The following GALNT17 variants were observed in gnomAD, a reference collection of about 807,000 sequenced individuals.
The protein encoded by GALNT17 is polypeptide N-acetylgalactosaminyltransferase 17.
Under a neutral mutation model 63.7 loss-of-function variants are expected in GALNT17, and 29 were observed. The observed-to-expected ratio is 0.46, with a 90% CI of 0.34 to 0.62. GALNT17 has a LOEUF of 0.62. Among genes scored for constraint, GALNT17 ranks in the 20% least tolerant of loss-of-function variants. The pLI is 0.01. For missense variants in GALNT17, 603 were observed against 799.6 expected, an observed-to-expected ratio of 0.75 and a Z score of 2.97; for synonymous variants, 305 against 318.3, an observed-to-expected ratio of 0.96 and a Z score of 0.45.
At chr7:71,303,241 T>A (rs1323666653) in intron 1 of GALNT17, among the ~76,000 whole-genome samples, 1 of 152,002 alleles carries the variant, frequency 6.6e-6, no homozygotes, top group East Asian at 1.9e-4. Context: ...ACTGTAGCCT[T>A]GACCTGGGCT....
intron 5 of GALNT17, among the ~76,000 whole-genome samples, chr7:71,468,372 A>T (rs2116605500): frequency 6.6e-6 from 1 of 151,156 alleles, no homozygotes; most frequent in East Asian, 2.0e-4. Context: ...ATTGCCCAAA[A>T]TCCCACTGGC....
At chr7:71,394,535 G>A (rs925274580) in intron 3 of GALNT17, among the ~76,000 whole-genome samples, 3 of 152,156 alleles carry the variant, frequency 2.0e-5, no homozygotes, top group Non-Finnish European at 4.4e-5. Context: ...TTGTCCAATA[G>A]GATCTACCAC....
chr7:71,531,585 A>C (rs906237598), intron 5 of GALNT17, among the ~76,000 whole-genome samples: 3 of 152,152 alleles, frequency 2.0e-5, no homozygotes, highest in African/African-American at 7.2e-5. Context: ...AAACTCATTT[A>C]AATCTCACAA....
intron 5 of GALNT17, among the ~76,000 whole-genome samples, chr7:71,491,897 C>G (rs927430011): frequency 1.3e-5 from 2 of 152,136 alleles, no homozygotes; most frequent in African/African-American, 4.8e-5. Flanking sequence ...TGGCTCACAC[C>G]TGTAATCCCA....
intron 2 of GALNT17, among the ~76,000 whole-genome samples, chr7:71,351,869 C>G (rs1792195034): frequency 6.6e-6 from 1 of 152,086 alleles, no homozygotes; most frequent in South Asian, 2.1e-4. Context: ...GTGTCCTGAT[C>G]TGGGGTATGT....
chr7:71,145,949 G>T (rs779561256), intron 1 of GALNT17, among the ~76,000 whole-genome samples: 1 of 151,984 alleles, frequency 6.6e-6, no homozygotes, highest in Non-Finnish European at 1.5e-5. Flanking sequence ...CAAGTGCTCC[G>T]TCAGTCTTGG....
At chr7:71,640,457 G>A (rs1248000292) in intron 6 of GALNT17, among the ~76,000 whole-genome samples, 1 of 152,034 alleles carries the variant, frequency 6.6e-6, no homozygotes, top group South Asian at 2.1e-4. Flanking sequence ...ACATGTTGAT[G>A]TTTCCCTAAT....
chr7:71,580,295 A>G (rs1402538814), intron 6 of GALNT17, among the ~76,000 whole-genome samples: 1 of 152,122 alleles, frequency 6.6e-6, no homozygotes, highest in African/African-American at 2.4e-5. Context: ...GATAAGATAC[A>G]TGGATGATAG....
intron 1 of GALNT17, among the ~76,000 whole-genome samples, chr7:71,313,386 G>A (rs1164124613): frequency 6.6e-6 from 1 of 152,166 alleles, no homozygotes; most frequent in Non-Finnish European, 1.5e-5. Flanking sequence ...CCAGGTTTCT[G>A]AGTGTTGGCA....
At chr7:71,415,663 C>T (rs1300989296) in intron 3 of GALNT17, among the ~76,000 whole-genome samples, 1 of 152,146 alleles carries the variant, frequency 6.6e-6, no homozygotes, top group African/African-American at 2.4e-5. Context: ...GTTCCCATCC[C>T]GCTGTACGGA....
intron 6 of GALNT17, among the ~76,000 whole-genome samples, chr7:71,655,826 G>A (rs1050904683): frequency 6.6e-6 from 1 of 152,190 alleles, no homozygotes; most frequent in Non-Finnish European, 1.5e-5. Context: ...AGAAGCATCA[G>A]GGTGGTTCTG....
chr7:71,287,777 C>T (rs1346053040), intron 1 of GALNT17, among the ~76,000 whole-genome samples: 1 of 152,108 alleles, frequency 6.6e-6, no homozygotes, highest in Non-Finnish European at 1.5e-5. Context: ...AATGGCTAGG[C>T]ATGGTGGCTA....
chr7:71,189,110 T>C (rs1398224109), intron 1 of GALNT17, among the ~76,000 whole-genome samples: 2 of 152,198 alleles, frequency 1.3e-5, no homozygotes, highest in African/African-American at 4.8e-5. Context: ...TATTGTGGGA[T>C]GGACTCAGAG....
chr7:71,695,508 A>G (rs1245229210), intron 9 of GALNT17, among the ~76,000 whole-genome samples: 1 of 152,134 alleles, frequency 6.6e-6, no homozygotes, highest in Non-Finnish European at 1.5e-5. Context: ...TCCCATATAT[A>G]TTTTTAAATC....
intron 2 of GALNT17, among the ~76,000 whole-genome samples, chr7:71,377,156 T>C (rs1300547750): frequency 1.5e-5 from 2 of 132,336 alleles, no homozygotes; most frequent in African/African-American, 5.9e-5. Context: ...CTCCTTCTGA[T>C]GATAAAGGGT....
intron 6 of GALNT17, among the ~76,000 whole-genome samples, chr7:71,656,881 C>T (rs1790836490): frequency 1.3e-5 from 2 of 152,124 alleles, no homozygotes; most frequent in Non-Finnish European, 2.9e-5. Context: ...CTTTCTGCTC[C>T]GGGCCACCTG....
intron 2 of GALNT17, among the ~76,000 whole-genome samples, chr7:71,353,769 G>T (rs1248917367): frequency 6.6e-6 from 1 of 152,182 alleles, no homozygotes; most frequent in Non-Finnish European, 1.5e-5. Flanking sequence ...ATTACTGGTG[G>T]TGATAATATT....
In GALNT17 at chr7:71,468,029, T is replaced by C. The variant is rs542468393; in HGVS notation, c.962+46924T>C. ...CTAGGGCATTCTTTTCTCGTTATTT[T>C]AATTTCTTAAATTTTAGAGACAGGG... is the stretch of plus-strand genomic sequence containing the variant. On this transcript the variant is annotated intron_variant, in intron 5 of 10. Transcript: ENST00000333538. 1.6e-4 allele frequency among the ~76,000 whole-genome samples: 24 copies of C among 152,168 alleles called. No homozygotes were observed. In the South Asian group the frequency reaches 5.0e-3, roughly 32 times the overall value.
In GALNT17 at chr7:71,515,198, T is replaced by C. The variant is rs1461805705; in HGVS notation, c.963-56087T>C. 4.6e-5 allele frequency among the ~76,000 whole-genome samples: 7 copies of C among 152,128 alleles called. No individual in the cohort carries two copies. The East Asian group carries it at 1.3e-3, about 29-fold the overall frequency. ...AACAGACTAATACACCACTCCATGA[T>C]TGGTTCACAAAGGATACAAAGAGAG... On this transcript the variant is annotated intron_variant, in intron 5 of 10. Transcript: ENST00000333538.
Sources: allele counts gnomAD v4.1 joint callset (sites outside exome capture counted in the v4.1 genomes callset), GRCh38; gene constraint gnomAD v4.1.1; transcripts MANE v1.5; gene names NCBI Gene and HGNC (gene_info 2026-07-23, HGNC 2026-07-21).